Variants in MIS18BP1 observed in about 807,000 individuals in gnomAD.
MIS18BP1 encodes the protein MIS18 binding protein 1, also known as mis18-binding protein 1.
Under a neutral mutation model 116.1 loss-of-function variants are expected in MIS18BP1, and 72 were observed. The observed-to-expected ratio is 0.62, with a 90% CI of 0.51 to 0.75. MIS18BP1 has a LOEUF of 0.75. Among genes scored for constraint, MIS18BP1 ranks in the 30% least tolerant of loss-of-function variants. The pLI is 0.00. For synonymous variants in MIS18BP1, 386 were observed against 427.0 expected (o/e 0.90, Z 1.18); for missense variants, 1,363 against 1,303.2 (o/e 1.05, Z -0.71).
intron 11 of MIS18BP1, among the ~76,000 whole-genome samples, chr14:45,221,830 G>A (rs547612223): frequency 6.6e-6 from 1 of 152,334 alleles, no homozygotes; most frequent in Non-Finnish European, 1.5e-5. Flanking sequence ...CAAGAGAGGA[G>A]CAGTGTGGTT....
At position 45,242,122 on chromosome 14, in the gene MIS18BP1, G is replaced by A. The variant is rs1891593189; in HGVS notation, c.1055C>T (p.Thr352Ile). 1 of 1,614,036 alleles carries A rather than the reference G, an allele frequency of 6.2e-7. No homozygotes were observed. The highest frequency in any genetic ancestry group is 8.5e-7 in the Non-Finnish European group (1 of 1,179,952). Residue 352 changes from threonine (T) to isoleucine (I), a missense_variant, in exon 4 of 17, where the codon ACA (threonine) becomes ATA (isoleucine). Physicochemically the swap from Thr to Ile is moderately conservative, Grantham distance 89 (BLOSUM62 -1). Transcript: ENST00000310806. ...ATTTCTTTTTGACCTCCGAGGTATT[G>A]TTATATGAAGTCTTGGTGTTGCAAG... ...IVLATPRLHI[T>I]IPRRSKRNIS...
intron 1 of MIS18BP1, 92 bp from the exon 2 acceptor site, chr14:45,247,469 A>G: frequency 2.1e-6 from 1 of 484,962 alleles, no homozygotes; most frequent in Non-Finnish European, 3.6e-6. Context: ...ACTAATTAAA[A>G]TGTTTAACTG....
chr14:45,226,911 T>C (rs921141356), intron 9 of MIS18BP1, 75 bp from the exon 10 acceptor site: 8 of 1,152,052 alleles, frequency 6.9e-6, no homozygotes, highest in African/African-American at 1.6e-5. Context: ...TTTCATAGTA[T>C]GCATCAAGCA....
intron 11 of MIS18BP1, among the ~76,000 whole-genome samples, chr14:45,221,671 C>T (rs1890980462): frequency 6.6e-6 from 1 of 152,180 alleles, no homozygotes; most frequent in African/African-American, 2.4e-5. Flanking sequence ...TATGATCTAT[C>T]TTGATGAATG....
At chr14:45,210,625 TG>T in intron 13 of MIS18BP1, 97 bp from the exon 14 acceptor site, 1 of 1,434,120 alleles carries the variant, frequency 7.0e-7, no homozygotes, top group Non-Finnish European at 9.6e-7. Flanking sequence ...TGGTTCTTCT[TG>T]TAACTTTCCA....
chr14:45,214,515 C>CA (rs898497355), intron 13 of MIS18BP1, among the ~76,000 whole-genome samples: 4 of 152,140 alleles, frequency 2.6e-5, no homozygotes, highest in African/African-American at 9.7e-5. Flanking sequence ...TGAGGGAACT[C>CA]AGAGACCAGG....
intron 11 of MIS18BP1, among the ~76,000 whole-genome samples, chr14:45,223,478 G>C (rs549113255): frequency 8.5e-4 from 130 of 152,364 alleles, no homozygotes; most frequent in African/African-American, 2.6e-3. Context: ...TCAGGAGGCT[G>C]AGGCAGGAGA....
intron 13 of MIS18BP1, among the ~76,000 whole-genome samples, chr14:45,213,534 A>C (rs1890732139): frequency 6.6e-6 from 1 of 152,220 alleles, no homozygotes; most frequent in South Asian, 2.1e-4. Context: ...AAATAATCAG[A>C]TAGGGAATAT....
At chr14:45,221,254 C>A (rs1007056894) in intron 11 of MIS18BP1, among the ~76,000 whole-genome samples, 1 of 151,916 alleles carries the variant, frequency 6.6e-6, no homozygotes, top group Non-Finnish European at 1.5e-5. Flanking sequence ...CTGGCTAACA[C>A]GGTGAAACCC....
intron 2 of MIS18BP1, among the ~76,000 whole-genome samples, chr14:45,245,567 T>C (rs1029387129): frequency 2.6e-5 from 4 of 152,110 alleles, no homozygotes; most frequent in African/African-American, 4.8e-5. Context: ...TTTCTCCACA[T>C]TGGTCAGGCT....
intron 6 of MIS18BP1, among the ~76,000 whole-genome samples, chr14:45,233,053 T>C (rs1013478403): frequency 6.6e-5 from 10 of 152,148 alleles, no homozygotes; most frequent in East Asian, 1.9e-4. Context: ...AATATCTTGT[T>C]TGTTAGATGG....
chr14:45,244,829 T>G (rs1472803492), intron 2 of MIS18BP1, among the ~76,000 whole-genome samples: 1 of 152,200 alleles, frequency 6.6e-6, no homozygotes, highest in Non-Finnish European at 1.5e-5. Flanking sequence ...CACCAACATC[T>G]GTGTAAACGG....
rs572316667 is a variant in MIS18BP1 at position 45,242,475 on chromosome 14, T to C, written c.702A>G (p.Val234=). The part of the protein sequence containing the change: ...LNQEQENFLA[V]EARNKTLTRA... ...TAGTTAATGTCTTGTTTCGGGCTTC[T>C]ACAGCCAAAAAATTTTCCTGTTCTT... Residue 234 remains valine, a synonymous_variant, in exon 4 of 17, where the codon GTA becomes GTG. Transcript: ENST00000310806. The C allele has an allele frequency of 1.3e-6, 2 of 1,598,406 alleles. No homozygotes were observed. The highest frequency in any genetic ancestry group is 1.8e-5 in the Admixed American group (1 of 55,486).
chr14:45,243,213 A>C (rs1323402453), intron 2 of MIS18BP1, among the ~76,000 whole-genome samples: 1 of 152,200 alleles, frequency 6.6e-6, no homozygotes, highest in Non-Finnish European at 1.5e-5. Context: ...GTATATGTTA[A>C]GATTACAATA....
chr14:45,238,270 T>A lies in MIS18BP1; in HGVS notation c.1144-549A>T, dbSNP rs138930921. The stretch of plus-strand genomic sequence containing the variant: ...TTATTATCTTACTACAAGTAAAATA[T>A]CATTCTAATGGAAAACATTTTATGA... On this transcript the variant is annotated intron_variant, in intron 4 of 16. Coordinates refer to ENST00000310806, the MANE Select transcript of MIS18BP1 (RefSeq NM_018353.5). Among the ~76,000 whole-genome samples, 65 of 152,244 alleles carry A rather than the reference T, an allele frequency of 4.3e-4. No homozygotes were observed. In the East Asian group the frequency reaches 0.012, roughly 28 times the overall value.
intron 11 of MIS18BP1, among the ~76,000 whole-genome samples, chr14:45,222,905 GA>G (rs1260498746): frequency 6.6e-6 from 1 of 152,130 alleles, no homozygotes; most frequent in Non-Finnish European, 1.5e-5. Flanking sequence ...AACAGAAAGA[GA>G]ACAGAAGCAA....
intron 5 of MIS18BP1, among the ~76,000 whole-genome samples, chr14:45,237,013 T>C (rs1891447605): frequency 2.2e-5 from 2 of 92,352 alleles, no homozygotes; most frequent in Admixed American, 1.0e-4. Context: ...CAGTTATAAC[T>C]TTTTTTTTTT....
rs187735266 is a variant in MIS18BP1, at chr14:45,207,312, A to G, written c.3153-1142T>C. On this transcript the variant is annotated intron_variant, in intron 14 of 16. Transcript: ENST00000310806. ...TGAAGAAATGTGACTCTATTAAGAT[A>G]TTTATCTGAATCAAACACTGCTGTA... 7.9e-5 allele frequency among the ~76,000 whole-genome samples: 12 copies of G among 152,318 alleles called. No individual in the cohort carries two copies. The East Asian group carries it at 9.6e-4, about 12-fold the overall frequency.
In MIS18BP1 at chr14:45,247,241, C is replaced by G. The variant is rs777096351; in HGVS notation, c.46G>C (p.Glu16Gln). The change falls in exon 2 of 17, where the codon GAG becomes CAG. Residue 16 changes from glutamate (E) to glutamine (Q), a missense_variant. Glu to Gln is a conservative substitution (Grantham distance 29). Coordinates refer to ENST00000310806, the MANE Select transcript of MIS18BP1 (RefSeq NM_018353.5). The stretch of plus-strand genomic sequence containing the variant: ...AGATTTCTCCTTTGAGAAGATGCCT[C>G]TGGAGGTAAGTAAATTCTTGAATGT... ...LKHSRIYLPP[E>Q]ASSQRRNLPM... 3.8e-6 allele frequency: 6 copies of G among 1,596,982 alleles called. No individual in the cohort carries two copies. The highest frequency in any genetic ancestry group is 3.4e-6 in the Non-Finnish European group (4 of 1,175,508).
Sources: gnomAD v4.1 joint callset for allele counts (sites outside exome capture counted in the v4.1 genomes callset) on GRCh38, gnomAD v4.1.1 for gene constraint, MANE v1.5 for transcripts, NCBI Gene and HGNC (gene_info 2026-07-23, HGNC 2026-07-21) for gene names.